The following FREM2 variants were observed in gnomAD, a reference collection of about 807,000 sequenced individuals.
The protein encoded by FREM2 is FRAS1-related extracellular matrix protein 2.
Under a neutral mutation model 219.9 loss-of-function variants are expected in FREM2, and 119 were observed. The ratio of observed to expected loss-of-function variants is 0.54; its 90% CI spans 0.47 to 0.63. The LOEUF is 0.63. FREM2 is among the 30% of genes least tolerant of loss of function. The pLI is 0.00. For synonymous variants in FREM2, 1,562 were observed against 1,522.8 expected (o/e 1.03, Z -0.60); for missense variants, 4,030 against 3,993.6 (o/e 1.01, Z -0.25).
chr13:38,693,998 A>G (rs1870005528), intron 1 of FREM2, among the ~76,000 whole-genome samples: 1 of 152,212 alleles, frequency 6.6e-6, no homozygotes, highest in Admixed American at 6.5e-5. Context: ...AAAGGAATAT[A>G]TTAGATAATA....
chr13:38,784,927 T>C, intron 6 of FREM2, 119 bp downstream of exon 6: 1 of 1,166,592 alleles, frequency 8.6e-7, no homozygotes, highest in South Asian at 1.5e-5. Flanking sequence ...ATTTTATGTT[T>C]GGTTTTTTCA....
intron 8 of FREM2, 22 bp from the exon 9 acceptor site, chr13:38,850,016 C>A: frequency 6.2e-7 from 1 of 1,604,818 alleles, no homozygotes; most frequent in Non-Finnish European, 8.5e-7. Flanking sequence ...TTTCTGTTCA[C>A]TTTAATCCTT....
chr13:38,786,104 A>G (rs1156935546), intron 6 of FREM2, among the ~76,000 whole-genome samples: 2 of 152,164 alleles, frequency 1.3e-5, no homozygotes, highest in Non-Finnish European at 2.9e-5. Flanking sequence ...TATGTAATGT[A>G]TTATTGTTAA....
intron 2 of FREM2, among the ~76,000 whole-genome samples, chr13:38,754,008 T>G (rs1872883564): frequency 7.6e-6 from 1 of 131,884 alleles, no homozygotes; most frequent in Admixed American, 7.7e-5. Flanking sequence ...TGAATGGAGC[T>G]GGGGGAGGGG....
At chr13:38,785,970 T>C (rs1874312191) in intron 6 of FREM2, among the ~76,000 whole-genome samples, 1 of 152,238 alleles carries the variant, frequency 6.6e-6, no homozygotes, top group Non-Finnish European at 1.5e-5. Context: ...ATAGGGTACA[T>C]AATGATGTTT....
intron 2 of FREM2, among the ~76,000 whole-genome samples, chr13:38,764,013 A>C (rs1263105189): frequency 6.6e-6 from 1 of 152,184 alleles, no homozygotes; most frequent in Non-Finnish European, 1.5e-5. Flanking sequence ...TTGGATATTT[A>C]GTTTTAGGAT....
chr13:38,831,181 A>G (rs1273472295), intron 6 of FREM2, among the ~76,000 whole-genome samples: 1 of 152,196 alleles, frequency 6.6e-6, no homozygotes, highest in African/African-American at 2.4e-5. Context: ...CATATGGAAT[A>G]GAAAAAATAT....
At chr13:38,814,140 C>T (rs145973120) in intron 6 of FREM2, among the ~76,000 whole-genome samples, 1,708 of 152,206 alleles carry the variant, frequency 0.011, 23 homozygotes, top group African/African-American at 0.039. Flanking sequence ...CAAAATAGCT[C>T]TTTTGAATTC....
intron 2 of FREM2, among the ~76,000 whole-genome samples, chr13:38,718,968 TTAA>T (rs1871117303): frequency 6.6e-6 from 1 of 152,230 alleles, no homozygotes; most frequent in Non-Finnish European, 1.5e-5. Context: ...AGTTACCATA[TTAA>T]TTTCCTATTG....
intron 4 of FREM2, among the ~76,000 whole-genome samples, chr13:38,775,031 A>G (rs886984203): frequency 4.6e-5 from 7 of 152,210 alleles, no homozygotes; most frequent in African/African-American, 1.4e-4. Flanking sequence ...TATTTAATAG[A>G]GAATAAACAC....
intron 2 of FREM2, among the ~76,000 whole-genome samples, chr13:38,715,603 GTTT>G (rs962765152): frequency 6.9e-6 from 1 of 144,894 alleles, no homozygotes; most frequent in Admixed American, 7.0e-5. Context: ...GCACCAGTTG[GTTT>G]TTTTTTTTTA....
chr13:38,820,395 A>C (rs1282590345), intron 6 of FREM2, among the ~76,000 whole-genome samples: 1 of 152,130 alleles, frequency 6.6e-6, no homozygotes, highest in Non-Finnish European at 1.5e-5. Flanking sequence ...CAAAGAATAC[A>C]TATTTCTGAT....
rs1869667491 is a variant in FREM2 at position 38,689,171 on chromosome 13, T to C, written c.1827T>C (p.His609=). The C allele has an allele frequency of 1.2e-6, 2 of 1,613,916 alleles. No homozygotes were observed. Among genetic ancestry groups the C allele is most frequent in the Non-Finnish European group, 1.7e-6 (2 of 1,180,032 alleles). ...AGTCACCCTTCTTAACTACGGGGCA[T>C]CTGCTTCTCCGCCAAACTCACCCTC... ...VLESPFLTTG[H]LLLRQTHPPH... is the part of the protein sequence containing the mutation. Residue 609 remains histidine, a synonymous_variant, in exon 1 of 24, where the codon CAT becomes CAC. Coordinates refer to ENST00000280481, the MANE Select transcript of FREM2 (RefSeq NM_207361.6).
Position 38,801,981 on chromosome 13 carries a change from C to T in FREM2, c.6019+17173C>T, listed in dbSNP as rs1000096503. Among the ~76,000 whole-genome samples, 9 of 152,120 alleles carry T rather than the reference C, an allele frequency of 5.9e-5. No individual in the cohort carries two copies. The East Asian group carries it at 1.5e-3, about 26-fold the overall frequency. On this transcript the variant is annotated intron_variant, in intron 6 of 23. Coordinates refer to ENST00000280481, the MANE Select transcript of FREM2 (RefSeq NM_207361.6). ...GGGTAGATGTCATCTGTGGTGATAT[C>T]GGCAGGTTGGTTTGCCCCAACCTCA...
intron 2 of FREM2, among the ~76,000 whole-genome samples, chr13:38,703,863 A>G (rs1296618984): frequency 1.3e-5 from 2 of 152,194 alleles, no homozygotes; most frequent in East Asian, 3.8e-4. Flanking sequence ...ATGATTTCAT[A>G]TTACTCAGAA....
Position 38,688,045 on chromosome 13 carries a change from T to C in FREM2, c.701T>C (p.Leu234Pro), listed in dbSNP as rs1196775997. The change falls in exon 1 of 24, where the codon CTC becomes CCC. Residue 234 changes from leucine to proline, a missense_variant. Leu to Pro is a moderately conservative substitution (Grantham distance 98, BLOSUM62 -3). This residue lies in a region of FREM2 where 3,102 missense variants were observed against 2,950.7 expected (regional missense o/e 1.05). Transcript: ENST00000280481. ...GCGCTGCCTCGCTATGGAGAACTCC[T>C]CCACTACCCGCAGGTCCCTGGAGGA... ...LGALPRYGEL[L>P]HYPQVPGGAR... 1 of 1,608,746 alleles carries C rather than the reference T, an allele frequency of 6.2e-7. No individual in the cohort carries two copies. Among genetic ancestry groups the C allele is most frequent in the African/African-American group, 1.3e-5 (1 of 74,830 alleles).
rs376146294 is a variant in FREM2, at chr13:38,760,342, C to T, written c.5264-3962C>T. Reference sequence around the variant, plus strand: ...GCAAACTGTTCAGCTATGTGTCATTCGAAACCTCTGATTAACCAGTAACCT... The same window carrying T: ...GCAAACTGTTCAGCTATGTGTCATTTGAAACCTCTGATTAACCAGTAACCT... On this transcript the variant is annotated intron_variant, in intron 2 of 23. Coordinates refer to ENST00000280481, the MANE Select transcript of FREM2 (RefSeq NM_207361.6). 3.9e-4 allele frequency among the ~76,000 whole-genome samples: 60 copies of T among 152,304 alleles called. No homozygotes were observed. The South Asian group carries it at 0.011, about 27-fold the overall frequency.
chr13:38,873,669 A>G (rs1878246339), intron 17 of FREM2, among the ~76,000 whole-genome samples: 1 of 152,202 alleles, frequency 6.6e-6, no homozygotes, highest in African/African-American at 2.4e-5. Flanking sequence ...TCAGACATGT[A>G]TTACTGTTCC....
intron 16 of FREM2, among the ~76,000 whole-genome samples, chr13:38,866,719 C>G (rs556496540): frequency 1.3e-5 from 2 of 151,550 alleles, no homozygotes; most frequent in East Asian, 3.9e-4. Flanking sequence ...CTGTGGATCT[C>G]ATCTAGTTTA....
Sources: gnomAD v4.1 joint callset for allele counts (sites outside exome capture counted in the v4.1 genomes callset) on GRCh38, gnomAD v4.1.1 for gene constraint, gnomAD v4.1.1 regional missense constraint, MANE v1.5 for transcripts, NCBI Gene and HGNC (gene_info 2026-07-23, HGNC 2026-07-21) for gene names.